Variants in RBM47 observed in about 807,000 individuals in gnomAD.
The protein encoded by RBM47 is RNA binding motif protein 47, also known as RNA-binding protein 47.
Under a neutral mutation model 47.1 loss-of-function variants are expected in RBM47, and 21 were observed. That is an observed-to-expected ratio of 0.45 (90% CI 0.32 to 0.64). The LOEUF is 0.64. RBM47 is among the 30% of genes least tolerant of loss of function. The pLI is 0.05. For missense variants in RBM47, 708 were observed against 870.9 expected (o/e 0.81, Z 2.35); for synonymous variants, 375 against 361.7 (o/e 1.04, Z -0.42).
intron 1 of RBM47, among the ~76,000 whole-genome samples, chr4:40,622,689 C>A (rs993308503): frequency 5.9e-5 from 9 of 152,188 alleles, no homozygotes; most frequent in African/African-American, 2.2e-4. Flanking sequence ...CGAGACCAGC[C>A]TGGCCAACAT....
intron 6 of RBM47, among the ~76,000 whole-genome samples, chr4:40,427,943 C>T (rs1033137838): frequency 6.6e-6 from 1 of 152,060 alleles, no homozygotes; most frequent in Non-Finnish European, 1.5e-5. Context: ...GTAATCCTAG[C>T]ACTTTGGGAG....
At chr4:40,555,572 C>A (rs1005034158) in intron 1 of RBM47, among the ~76,000 whole-genome samples, 1 of 151,958 alleles carries the variant, frequency 6.6e-6, no homozygotes, top group Non-Finnish European at 1.5e-5. Flanking sequence ...CACATCTGAC[C>A]CAATGGGTTT....
chr4:40,430,906 G>C (rs1269220928), intron 6 of RBM47, among the ~76,000 whole-genome samples: 1 of 152,028 alleles, frequency 6.6e-6, no homozygotes, highest in Non-Finnish European at 1.5e-5. Flanking sequence ...GGGCAACATA[G>C]CAAGACTTTG....
chr4:40,587,161 A>C (rs1043520728), intron 1 of RBM47, among the ~76,000 whole-genome samples: 1 of 152,086 alleles, frequency 6.6e-6, no homozygotes, highest in African/African-American at 2.4e-5. Context: ...ACTGGGGCTG[A>C]GGAGGAGGAG....
chr4:40,586,260 C>A (rs1040851496), intron 1 of RBM47, among the ~76,000 whole-genome samples: 2 of 152,114 alleles, frequency 1.3e-5, no homozygotes, highest in African/African-American at 4.8e-5. Flanking sequence ...TCTGTTGAGT[C>A]ATGGAGGTTG....
chr4:40,461,897 T>C (rs910768009), intron 3 of RBM47, among the ~76,000 whole-genome samples: 8 of 151,344 alleles, frequency 5.3e-5, no homozygotes, highest in African/African-American at 1.9e-4. Flanking sequence ...ATCGCACCAT[T>C]GTACTCCAGC....
chr4:40,521,014 TA>T, intron 2 of RBM47, among the ~76,000 whole-genome samples: 1 of 152,306 alleles, frequency 6.6e-6, no homozygotes, highest in East Asian at 1.9e-4. Flanking sequence ...CTAAAACTTC[TA>T]GCCGTGTGAG....
At chr4:40,472,764 T>C (rs1347835942) in intron 2 of RBM47, among the ~76,000 whole-genome samples, 1 of 151,006 alleles carries the variant, frequency 6.6e-6, no homozygotes, top group African/African-American at 2.4e-5. Flanking sequence ...ATTTATGGAT[T>C]TTTTTTTTAA....
intron 3 of RBM47, among the ~76,000 whole-genome samples, chr4:40,457,422 CAAAAAAA>C (rs35497838): frequency 9.0e-6 from 1 of 111,612 alleles, no homozygotes; most frequent in South Asian, 2.9e-4. Context: ...GACTCCATCT[CAAAAAAA>C]AAAAAAAAAC....
chr4:40,469,105 G>T (rs367750535), intron 2 of RBM47, among the ~76,000 whole-genome samples: 4 of 152,256 alleles, frequency 2.6e-5, no homozygotes, highest in East Asian at 3.9e-4. Context: ...TATTTATAAA[G>T]CACCATTCTC....
rs139418631 is a variant in RBM47 at position 40,526,408 on chromosome 4, G to A, written c.-155+18014C>T. ...AGGACCTTAGAACACTTCAGAAAACGATTGGCCTTAAAAAATGGTTGGGTC... is the reference window on the plus strand; with the variant it reads ...AGGACCTTAGAACACTTCAGAAAACAATTGGCCTTAAAAAATGGTTGGGTC... On this transcript the variant is annotated intron_variant, in intron 2 of 6. Coordinates refer to ENST00000295971, the MANE Select transcript of RBM47 (RefSeq NM_001098634.2). Among the ~76,000 whole-genome samples, 248 of 148,596 alleles carry A rather than the reference G, an allele frequency of 1.7e-3. 1 individual carries two copies. Among genetic ancestry groups the A allele is most frequent in the Middle Eastern group, 6.9e-3 (2 of 288 alleles).
At chr4:40,516,970 G>A (rs1269675638) in intron 2 of RBM47, among the ~76,000 whole-genome samples, 1 of 152,120 alleles carries the variant, frequency 6.6e-6, no homozygotes, top group Non-Finnish European at 1.5e-5. Context: ...CCCAAGAGGA[G>A]TAAATCCCCT....
chr4:40,550,028 T>G (rs1375292450), intron 1 of RBM47, among the ~76,000 whole-genome samples: 5 of 152,158 alleles, frequency 3.3e-5, no homozygotes, highest in Admixed American at 6.6e-5. Flanking sequence ...TTAATGATTG[T>G]TCAGTTAATG....
At chr4:40,602,768 T>C (rs537091342) in intron 1 of RBM47, among the ~76,000 whole-genome samples, 1 of 152,302 alleles carries the variant, frequency 6.6e-6, no homozygotes, top group East Asian at 1.9e-4. Flanking sequence ...TTTTATTAAG[T>C]CAGCTCTTTA....
In RBM47 at chr4:40,424,911, G is replaced by A. The variant is rs1010599701; in HGVS notation, c.*993C>T. ...TATGCAAAGGTGTCTTATGCAACTC[G>A]ATTAAAACCTTGTGCTTACTCTGCT... On this transcript the variant is annotated 3_prime_UTR_variant, in exon 7 of 7. Transcript: ENST00000295971. 4.6e-5 allele frequency: 7 copies of A among 151,652 alleles called. No homozygotes were observed. Among genetic ancestry groups the A allele is most frequent in the Non-Finnish European group, 7.4e-5 (5 of 67,954 alleles). The allele number at this position is 151,652 out of a possible 1,614,324, so 9.4% of individuals were successfully genotyped here.
At chr4:40,481,998 C>T (rs1458911902) in intron 2 of RBM47, among the ~76,000 whole-genome samples, 1 of 152,120 alleles carries the variant, frequency 6.6e-6, no homozygotes, top group Non-Finnish European at 1.5e-5. Context: ...GATGTGGTTT[C>T]TATTAAATTA....
intron 1 of RBM47, among the ~76,000 whole-genome samples, chr4:40,596,286 A>G (rs895709374): frequency 3.3e-5 from 5 of 152,228 alleles, no homozygotes; most frequent in Non-Finnish European, 5.9e-5. Flanking sequence ...TGGGAGGAGA[A>G]AGGTGGATCA....
chr4:40,593,797 T>C (rs1251991058), intron 1 of RBM47, among the ~76,000 whole-genome samples: 1 of 149,802 alleles, frequency 6.7e-6, no homozygotes, highest in African/African-American at 2.5e-5. Context: ...GGCAGGAGAA[T>C]GGCGCGAACC....
chr4:40,623,840 CTTGT>C (rs10573363), intron 1 of RBM47, among the ~76,000 whole-genome samples: 78,035 of 150,278 alleles, frequency 0.52, 21,538 homozygotes, highest in African/African-American at 0.72. Flanking sequence ...GAGGTATAAA[CTTGT>C]TTGTTTGTTT....
Sources: gnomAD v4.1 joint callset for allele counts (sites outside exome capture counted in the v4.1 genomes callset) on GRCh38, gnomAD v4.1.1 for gene constraint, MANE v1.5 for transcripts, NCBI Gene and HGNC (gene_info 2026-07-23, HGNC 2026-07-21) for gene names.